PPP4R2: variants seen among roughly 807,000 people sequenced by gnomAD.
PPP4R2 encodes the protein serine/threonine-protein phosphatase 4 regulatory subunit 2.
PPP4R2 carries 13 observed loss-of-function variants against 47.2 expected under a neutral mutation model. The observed-to-expected ratio is 0.28, with a 90% CI of 0.18 to 0.44. The LOEUF (loss-of-function observed/expected upper bound fraction) is 0.44. Among genes scored for constraint, PPP4R2 ranks in the 20% least tolerant of loss-of-function variants. PPP4R2 has a pLI of 1.00. For synonymous variants in PPP4R2, 151 were observed against 163.3 expected (o/e 0.92, Z 0.57); for missense variants, 421 against 491.2 (o/e 0.86, Z 1.35).
chr3:73,001,972 T>C (rs1295334924), intron 2 of PPP4R2, among the ~76,000 whole-genome samples: 1 of 152,138 alleles, frequency 6.6e-6, no homozygotes, highest in East Asian at 1.9e-4. Flanking sequence ...AATAAATACA[T>C]GTATATTCTT....
intron 3 of PPP4R2, 30 bp from the exon 4 acceptor site, chr3:73,059,007 C>T: frequency 1.5e-6 from 2 of 1,305,054 alleles, no homozygotes; most frequent in East Asian, 2.3e-5. Flanking sequence ...TATCAGTGAT[C>T]TCACACTGTA....
chr3:73,047,477 A>G (rs1559562731), intron 3 of PPP4R2, 121 bp downstream of exon 3: 16 of 588,790 alleles, frequency 2.7e-5, no homozygotes, highest in Non-Finnish European at 4.2e-5. Context: ...CCTTGTTTCT[A>G]GTGACATGTA....
At chr3:73,062,005 G>A (rs1199392080) in intron 5 of PPP4R2, 1 of 1,052,116 alleles carries the variant, frequency 9.5e-7, no homozygotes, top group Non-Finnish European at 1.4e-6. Flanking sequence ...AGCAAAATAT[G>A]TTTTGTTTTG....
chr3:73,042,361 CTTTTTTTTT>C (rs10709279), intron 2 of PPP4R2, among the ~76,000 whole-genome samples: 3 of 75,928 alleles, frequency 4.0e-5, no homozygotes, highest in Non-Finnish European at 7.8e-5. Context: ...AATATAATTT[CTTTTTTTTT>C]TTTTTTTTTT....
intron 1 of PPP4R2, 198 bp downstream of exon 1, chr3:72,997,269 C>G (rs1191929925): frequency 4.8e-6 from 2 of 416,472 alleles, no homozygotes; most frequent in Non-Finnish European, 8.6e-6. Context: ...GGCTTTGTGT[C>G]GGCCGCCGGC....
intron 2 of PPP4R2, among the ~76,000 whole-genome samples, chr3:73,018,112 T>C (rs1156789253): frequency 6.6e-6 from 1 of 152,232 alleles, no homozygotes; most frequent in African/African-American, 2.4e-5. Flanking sequence ...ACATCATTCC[T>C]AGTTAATATA....
chr3:73,031,312 G>A (rs1267179990), intron 2 of PPP4R2, among the ~76,000 whole-genome samples: 1 of 152,140 alleles, frequency 6.6e-6, no homozygotes, highest in Non-Finnish European at 1.5e-5. Context: ...GGCCAAGGCA[G>A]GTGGATCACC....
chr3:73,056,222 T>A (rs1281263494), intron 3 of PPP4R2, among the ~76,000 whole-genome samples: 1 of 152,236 alleles, frequency 6.6e-6, no homozygotes, highest in Non-Finnish European at 1.5e-5. Flanking sequence ...GAGGCCTACC[T>A]CACACTAAGT....
At chr3:73,046,734 T>C (rs1188351605) in intron 2 of PPP4R2, among the ~76,000 whole-genome samples, 4 of 152,204 alleles carry the variant, frequency 2.6e-5, no homozygotes, top group Non-Finnish European at 2.9e-5. Context: ...AAAGTTTATT[T>C]TGTTATTTAG....
intron 3 of PPP4R2, among the ~76,000 whole-genome samples, chr3:73,054,875 G>A (rs1443697634): frequency 1.3e-5 from 2 of 152,120 alleles, no homozygotes; most frequent in East Asian, 3.9e-4. Flanking sequence ...TTAGTGTTTA[G>A]CCTTATGACT....
At chr3:73,020,186 G>C (rs1701929909) in intron 2 of PPP4R2, among the ~76,000 whole-genome samples, 1 of 151,990 alleles carries the variant, frequency 6.6e-6, no homozygotes, top group Non-Finnish European at 1.5e-5. Context: ...TTTCTTCCTG[G>C]CCCTGTTTTT....
chr3:73,067,249 A>G lies in PPP4R2; in HGVS notation c.*1527A>G, dbSNP rs1368774363. On this transcript the variant is annotated 3_prime_UTR_variant, in exon 9 of 9. Transcript: ENST00000356692. Reference sequence around the variant, plus strand: ...AGAATCCCCCCTTTTTTAGTTTCAGATACCTGAACTACACAGATGAGCTTC... The same window carrying G: ...AGAATCCCCCCTTTTTTAGTTTCAGGTACCTGAACTACACAGATGAGCTTC... 2 of 152,110 alleles carry G rather than the reference A, an allele frequency of 1.3e-5. No homozygotes were observed. Among genetic ancestry groups the G allele is most frequent in the Non-Finnish European group, 2.9e-5 (2 of 67,980 alleles). 9.4% of individuals were successfully genotyped at this position (152,110 alleles called of 1,614,324 possible).
At chr3:73,004,072 G>A (rs1701541415) in intron 2 of PPP4R2, among the ~76,000 whole-genome samples, 1 of 152,046 alleles carries the variant, frequency 6.6e-6, no homozygotes, top group Non-Finnish European at 1.5e-5. Context: ...CTGACTTCAA[G>A]TGATCTGCCT....
intron 2 of PPP4R2, among the ~76,000 whole-genome samples, chr3:73,021,844 CTATATGTGTGTGTGTG>C (rs1220309746): frequency 1.5e-5 from 2 of 137,308 alleles, no homozygotes; most frequent in African/African-American, 5.7e-5. Context: ...TATTACATTT[CTATATGTGTGTGTGTG>C]TGTGTGTGTG....
intron 2 of PPP4R2, among the ~76,000 whole-genome samples, chr3:73,025,744 G>T (rs1702050913): frequency 6.6e-6 from 1 of 152,148 alleles, no homozygotes; most frequent in Non-Finnish European, 1.5e-5. Flanking sequence ...TAGAATTTTG[G>T]CTTTAGAAAG....
intron 2 of PPP4R2, among the ~76,000 whole-genome samples, chr3:73,011,351 G>A (rs1701721373): frequency 6.6e-6 from 1 of 152,158 alleles, no homozygotes; most frequent in Admixed American, 6.5e-5. Context: ...CATGGTGGCA[G>A]GCGCTTTTAG....
At chr3:73,044,223 G>GTTT (rs147787009) in intron 2 of PPP4R2, among the ~76,000 whole-genome samples, 3 of 151,506 alleles carry the variant, frequency 2.0e-5, no homozygotes, top group African/African-American at 7.3e-5. Context: ...CATAATTTTT[G>GTTT]TTGTTGTTGT....
intron 2 of PPP4R2, among the ~76,000 whole-genome samples, chr3:73,046,724 A>T (rs2107309490): frequency 6.6e-6 from 1 of 152,320 alleles, no homozygotes; most frequent in Non-Finnish European, 1.5e-5. Flanking sequence ...AGGAGAAAGT[A>T]AAGTTTATTT....
At chr3:73,060,429 G>C (rs1479572436) in intron 4 of PPP4R2, among the ~76,000 whole-genome samples, 6 of 152,172 alleles carry the variant, frequency 3.9e-5, no homozygotes, top group Admixed American at 3.9e-4. Context: ...GTGTGACCTT[G>C]GGCCAGTTAG....
Sources: allele counts gnomAD v4.1 joint callset (sites outside exome capture counted in the v4.1 genomes callset), GRCh38; gene constraint gnomAD v4.1.1; transcripts MANE v1.5; gene names NCBI Gene and HGNC (gene_info 2026-07-23, HGNC 2026-07-21).